Variants in NAALADL2 observed in about 807,000 individuals in gnomAD.
NAALADL2 encodes the protein inactive N-acetylated-alpha-linked acidic dipeptidase-like protein 2.
In NAALADL2, 76 loss-of-function variants were observed where a neutral mutation model predicts 87.2. That is an observed-to-expected ratio of 0.87 (90% CI 0.72 to 1.05). NAALADL2 has a LOEUF of 1.05. NAALADL2 is among the 50% of genes least tolerant of loss of function. The pLI is 0.00. For missense variants in NAALADL2, 1,089 were observed against 945.8 expected (o/e 1.15, Z -1.99); for synonymous variants, 354 against 331.0 (o/e 1.07, Z -0.75).
At chr3:174,454,018 G>T (rs373566287) in intron 1 of NAALADL2, among the ~76,000 whole-genome samples, 2 of 152,062 alleles carry the variant, frequency 1.3e-5, no homozygotes, top group Non-Finnish European at 2.9e-5. Context: ...TATCTCAAAT[G>T]CAATGACACC....
intron 11 of NAALADL2, among the ~76,000 whole-genome samples, chr3:175,646,362 T>C (rs1730001899): frequency 6.6e-6 from 1 of 152,110 alleles, no homozygotes; most frequent in South Asian, 2.1e-4. Context: ...TACCAATTCC[T>C]CAATATTATC....
intron 13 of NAALADL2, among the ~76,000 whole-genome samples, chr3:175,785,896 C>A (rs1273842092): frequency 1.3e-5 from 2 of 149,434 alleles, no homozygotes; most frequent in Non-Finnish European, 3.0e-5. Flanking sequence ...TTAGGGCAGG[C>A]CTGGTGGTGA....
At position 174,845,185 on chromosome 3, in the gene NAALADL2, G is replaced by T. The variant is rs151100325; in HGVS notation, c.-9+107439G>T. Among the ~76,000 whole-genome samples the T allele has an allele frequency of 7.7e-4, 118 of 152,316 alleles. 1 individual carries two copies. The highest frequency in any genetic ancestry group is 1.0e-3 in the Non-Finnish European group (68 of 68,030). ...CACTGGGCCAAGGGCTGACTGAATG[G>T]CTGTGCAGGACTCTCTTCAGCAAGA... On this transcript the variant is annotated intron_variant, in intron 3 of 3. Transcript: ENST00000434257.
chr3:174,860,018 T>G (rs912417980), intron 1 of NAALADL2, among the ~76,000 whole-genome samples: 1 of 152,136 alleles, frequency 6.6e-6, no homozygotes, highest in Non-Finnish European at 1.5e-5. Flanking sequence ...TTGAAAGGAC[T>G]GGCTTTGTTG....
At position 175,493,324 on chromosome 3, in the gene NAALADL2, T is replaced by C. The variant is rs572537193; in HGVS notation, c.1653+21566T>C. Among the ~76,000 whole-genome samples the C allele has an allele frequency of 7.2e-5, 11 of 152,240 alleles. No individual in the cohort carries two copies. In the South Asian group the frequency reaches 2.3e-3, roughly 31 times the overall value. ...TCTAGCAACCTCGCGTTTGTATAATTTGGATTTACCTTCTCTTGAAAACAA... is the reference window on the plus strand; with the variant it reads ...TCTAGCAACCTCGCGTTTGTATAATCTGGATTTACCTTCTCTTGAAAACAA... On this transcript the variant is annotated intron_variant, in intron 9 of 13. Coordinates refer to ENST00000454872, the MANE Select transcript of NAALADL2 (RefSeq NM_207015.3).
chr3:174,716,852 G>C (rs1731241428), intron 2 of NAALADL2, among the ~76,000 whole-genome samples: 1 of 152,020 alleles, frequency 6.6e-6, no homozygotes, highest in African/African-American at 2.4e-5. Context: ...TAATCAATAT[G>C]TTATTGAAAG....
intron 1 of NAALADL2, among the ~76,000 whole-genome samples, chr3:175,054,147 A>G (rs1711599020): frequency 6.6e-6 from 1 of 152,364 alleles, no homozygotes; most frequent in Non-Finnish European, 1.5e-5. Flanking sequence ...CCAATACCTC[A>G]ATTACAGCTA....
At chr3:175,504,159 T>TTG (rs1729943300) in intron 9 of NAALADL2, among the ~76,000 whole-genome samples, 1 of 152,214 alleles carries the variant, frequency 6.6e-6, no homozygotes, top group Non-Finnish European at 1.5e-5. Context: ...GTTATCCCAA[T>TTG]ACTTTTTATT....
chr3:175,572,896 T>A (rs9865216), intron 9 of NAALADL2, among the ~76,000 whole-genome samples: 6,444 of 73,532 alleles, frequency 0.088, 343 homozygotes, highest in Admixed American at 0.19. Context: ...TGAGACTCTA[T>A]CTTGAAAAAA....
chr3:174,630,826 G>C (rs76906244), intron 2 of NAALADL2, among the ~76,000 whole-genome samples: 4,607 of 152,216 alleles, frequency 0.03, 227 homozygotes, highest in African/African-American at 0.1. Flanking sequence ...GGTGAGATCT[G>C]TCAGCTTGTA....
intron 2 of NAALADL2, among the ~76,000 whole-genome samples, chr3:175,104,509 C>G (rs1281655783): frequency 1.3e-5 from 2 of 151,990 alleles, no homozygotes; most frequent in African/African-American, 4.8e-5. Context: ...TTTTTTTGGC[C>G]CCTCTTCACA....
chr3:175,584,369 CTG>C (rs2149583927), intron 10 of NAALADL2, among the ~76,000 whole-genome samples: 1 of 151,192 alleles, frequency 6.6e-6, no homozygotes, highest in African/African-American at 2.5e-5. Context: ...GATGAGGAAA[CTG>C]AGCACAAAGC....
chr3:175,042,531 T>TA (rs1754201497), intron 1 of NAALADL2, among the ~76,000 whole-genome samples: 1 of 152,144 alleles, frequency 6.6e-6, no homozygotes. Context: ...ATAGTGCCTA[T>TA]ACCAATTTAT....
At chr3:175,368,083 C>G (rs1386546437) in intron 5 of NAALADL2, among the ~76,000 whole-genome samples, 2 of 152,122 alleles carry the variant, frequency 1.3e-5, no homozygotes, top group African/African-American at 4.8e-5. Context: ...TGAATTTTGT[C>G]AAAGGCCTTT....
intron 2 of NAALADL2, among the ~76,000 whole-genome samples, chr3:174,589,149 G>A (rs981921550): frequency 6.6e-6 from 1 of 152,112 alleles, no homozygotes; most frequent in Non-Finnish European, 1.5e-5. Context: ...AGCGAGCGAG[G>A]CTCCTTGGGC....
chr3:175,016,744 G>T (rs1750874239), intron 1 of NAALADL2, among the ~76,000 whole-genome samples: 2 of 151,820 alleles, frequency 1.3e-5, no homozygotes, highest in African/African-American at 4.8e-5. Context: ...GAATCATAAT[G>T]AATTATATTT....
At chr3:174,757,577 C>T (rs560715665) in intron 3 of NAALADL2, among the ~76,000 whole-genome samples, 10 of 151,954 alleles carry the variant, frequency 6.6e-5, no homozygotes, top group African/African-American at 1.4e-4. Context: ...CTGCAAAGTC[C>T]GCCTCCTGGG....
chr3:174,555,973 C>G (rs1344179577), intron 2 of NAALADL2, among the ~76,000 whole-genome samples: 1 of 123,916 alleles, frequency 8.1e-6, no homozygotes, highest in African/African-American at 3.1e-5. Context: ...GCCTTATCCT[C>G]CGTGTGTGTG....
At chr3:175,259,894 G>C (rs1292741615) in intron 4 of NAALADL2, among the ~76,000 whole-genome samples, 2 of 152,008 alleles carry the variant, frequency 1.3e-5, no homozygotes, top group Non-Finnish European at 2.9e-5. Context: ...TGGGTGTGGT[G>C]GTGCGCACCT....
Sources: gnomAD v4.1 joint callset for allele counts (sites outside exome capture counted in the v4.1 genomes callset) on GRCh38, gnomAD v4.1.1 for gene constraint, MANE v1.5 for transcripts, NCBI Gene and HGNC (gene_info 2026-07-23, HGNC 2026-07-21) for gene names.